Variants in NFATC3 observed in about 807,000 individuals in gnomAD.
NFATC3 encodes nuclear factor of activated T cells 3, also known as nuclear factor of activated T-cells, cytoplasmic 3.
Under a neutral mutation model 98.6 loss-of-function variants are expected in NFATC3, and 46 were observed. The observed-to-expected ratio is 0.47, with a 90% CI of 0.37 to 0.60. The LOEUF is 0.60. Among genes scored for constraint, NFATC3 ranks in the 20% least tolerant of loss-of-function variants. NFATC3 has a pLI of 0.00. For missense variants in NFATC3, 1,256 were observed against 1,295.5 expected (o/e 0.97, Z 0.47); for synonymous variants, 512 against 472.2 (o/e 1.08, Z -1.09).
rs182306631 is a variant in NFATC3 at position 68,217,439 on chromosome 16, A to G, written c.3107-8911A>G. Among the ~76,000 whole-genome samples, 3 of 147,896 alleles carry G rather than the reference A, an allele frequency of 2.0e-5. No homozygotes were observed. In the East Asian group the frequency reaches 6.0e-4, roughly 29 times the overall value. ...ATGCCACTGCACTCCAGCCTGGGCA[A>G]CAGAGCAAGATCTAGTCTCTGTCTC... On this transcript the variant is annotated intron_variant, in intron 9 of 9. Coordinates refer to ENST00000346183, the MANE Select transcript of NFATC3 (RefSeq NM_173165.3).
At chr16:68,107,124 A>G (rs2035701680) in intron 1 of NFATC3, among the ~76,000 whole-genome samples, 1 of 151,814 alleles carries the variant, frequency 6.6e-6, no homozygotes. Context: ...TGTGTACTAC[A>G]TTTTCTTTAT....
chr16:68,129,033 T>A (rs2036986283), intron 3 of NFATC3, among the ~76,000 whole-genome samples: 1 of 151,260 alleles, frequency 6.6e-6, no homozygotes, highest in African/African-American at 2.4e-5. Flanking sequence ...AGTTTGAGGC[T>A]GCTGTGAGCT....
chr16:68,139,458 G>A (rs1410725494), intron 3 of NFATC3, among the ~76,000 whole-genome samples: 1 of 152,272 alleles, frequency 6.6e-6, no homozygotes, highest in African/African-American at 2.4e-5. Context: ...ATTAAGCTAG[G>A]TTTGTTACTG....
At chr16:68,226,179 G>A (rs1422472029) in intron 9 of NFATC3, 171 bp from the exon 10 acceptor site, 2 of 672,448 alleles carry the variant, frequency 3.0e-6, no homozygotes, top group Non-Finnish European at 4.6e-6. Flanking sequence ...AGTTTGTGGA[G>A]CGATGTTTCC....
intron 9 of NFATC3, among the ~76,000 whole-genome samples, chr16:68,210,222 CG>C (rs2041321971): frequency 6.6e-6 from 1 of 151,108 alleles, no homozygotes; most frequent in Non-Finnish European, 1.5e-5. Context: ...GGCGTGAACC[CG>C]GAAGGCGGAG....
chr16:68,182,328 G>A (rs937832003), intron 7 of NFATC3, among the ~76,000 whole-genome samples: 24 of 152,280 alleles, frequency 1.6e-4, no homozygotes, highest in Admixed American at 2.0e-4. Flanking sequence ...TTGGAATGGA[G>A]ACAGAGCATT....
chr16:68,123,446 A>G (rs1423203157), intron 2 of NFATC3, among the ~76,000 whole-genome samples: 2 of 149,786 alleles, frequency 1.3e-5, no homozygotes, highest in African/African-American at 4.9e-5. Context: ...GGATTGCTTG[A>G]GCCCAGGAGT....
intron 3 of NFATC3, among the ~76,000 whole-genome samples, chr16:68,145,076 G>T (rs1380701962): frequency 6.6e-6 from 1 of 151,822 alleles, no homozygotes. Flanking sequence ...CCTGCCGTGG[G>T]ATCACAAGCT....
intron 9 of NFATC3, among the ~76,000 whole-genome samples, chr16:68,216,698 A>G (rs921508695): frequency 1.3e-5 from 2 of 151,922 alleles, no homozygotes; most frequent in Non-Finnish European, 1.5e-5. Flanking sequence ...CACCTGGCTA[A>G]TATTTTGTAT....
At chr16:68,208,227 G>A (rs915332652) in intron 9 of NFATC3, among the ~76,000 whole-genome samples, 1 of 151,664 alleles carries the variant, frequency 6.6e-6, no homozygotes, top group Admixed American at 6.6e-5. Flanking sequence ...ATTAGAGATG[G>A]GGTTTCTCCA....
Position 68,191,246 on chromosome 16 carries a change from A to T in NFATC3, c.2577A>T (p.Ser859=), listed in dbSNP as rs769700651. The T allele has an allele frequency of 1.2e-6, 2 of 1,614,096 alleles. No homozygotes were observed. Among genetic ancestry groups the T allele is most frequent in the Non-Finnish European group, 1.7e-6 (2 of 1,180,052 alleles). The stretch of plus-strand genomic sequence containing the variant: ...CCATACCATTTCATTCTTCAAATTC[A>T]GGCTCAACAGGACATCTCTTAGCCC... The part of the protein sequence containing the change: ...LSSIPFHSSN[S]GSTGHLLAHT... Residue 859 remains serine (S), a synonymous_variant, in exon 9 of 10, where the codon TCA becomes TCT. Transcript: ENST00000346183.
chr16:68,116,069 G>T (rs2036261809), intron 1 of NFATC3, among the ~76,000 whole-genome samples: 1 of 152,056 alleles, frequency 6.6e-6, no homozygotes, highest in Non-Finnish European at 1.5e-5. Context: ...CAGTTACTCA[G>T]TTCTACCCTT....
chr16:68,183,534 C>A (rs1172033474), intron 8 of NFATC3, among the ~76,000 whole-genome samples, 168 bp downstream of exon 8: 1 of 152,082 alleles, frequency 6.6e-6, no homozygotes, highest in Non-Finnish European at 1.5e-5. Context: ...TAGATGTGGT[C>A]TCAGTTGTTA....
At chr16:68,137,929 AT>A (rs944644918) in intron 3 of NFATC3, among the ~76,000 whole-genome samples, 3 of 151,610 alleles carry the variant, frequency 2.0e-5, no homozygotes, top group Non-Finnish European at 4.4e-5. Context: ...CGTATGTTTC[AT>A]TTTCTAAAAC....
At chr16:68,086,753 A>G (rs997235845) in intron 1 of NFATC3, 23 of 985,334 alleles carry the variant, frequency 2.3e-5, no homozygotes, top group South Asian at 4.7e-5. Context: ...GTAGAGTTGC[A>G]TTGAAAAAAC....
chr16:68,143,542 G>A (rs2151545576), intron 3 of NFATC3, among the ~76,000 whole-genome samples: 1 of 152,130 alleles, frequency 6.6e-6, no homozygotes. Flanking sequence ...TTCAAAATGG[G>A]TTGTGGATTT....
intron 9 of NFATC3, chr16:68,200,291 T>G (rs1264800780): frequency 1.3e-5 from 2 of 152,000 alleles, no homozygotes; most frequent in Non-Finnish European, 2.9e-5. Flanking sequence ...CTTTCCCTGT[T>G]GAAAAGACTT....
In NFATC3 at chr16:68,157,934, T is replaced by C; in HGVS notation, c.1467T>C (p.Tyr489=). Residue 489 remains tyrosine (Y), a synonymous_variant, in exon 4 of 10, where the codon TAT becomes TAC. Coordinates refer to ENST00000346183, the MANE Select transcript of NFATC3 (RefSeq NM_173165.3). The stretch of plus-strand genomic sequence containing the variant: ...TTATTGGGACAGCAGATGATCGATA[T>C]TTACGACCTCATGCATTTTACCAGG... ...QMFIGTADDR[Y]LRPHAFYQVH... is the part of the protein sequence containing the mutation. 6.2e-7 allele frequency: 1 copy of C among 1,613,924 alleles called. No homozygotes were observed. The highest frequency in any genetic ancestry group is 8.5e-7 in the Non-Finnish European group (1 of 1,179,910).
chr16:68,121,237 C>CTTTTCT (rs1567507673), intron 1 of NFATC3, among the ~76,000 whole-genome samples: 3 of 119,642 alleles, frequency 2.5e-5, no homozygotes, highest in African/African-American at 3.1e-5. Context: ...CATTTCTTTT[C>CTTTTCT]TTTTCTTTTT....
Sources: allele counts gnomAD v4.1 joint callset (sites outside exome capture counted in the v4.1 genomes callset), GRCh38; gene constraint gnomAD v4.1.1; transcripts MANE v1.5; gene names NCBI Gene and HGNC (gene_info 2026-07-23, HGNC 2026-07-21).